Variants in ITCH observed in about 807,000 individuals in gnomAD.
ITCH encodes the protein itchy E3 ubiquitin protein ligase.
ITCH carries 28 observed loss-of-function variants against 126.8 expected under a neutral mutation model. The ratio of observed to expected loss-of-function variants is 0.22; its 90% CI spans 0.16 to 0.30. The LOEUF (loss-of-function observed/expected upper bound fraction) is 0.30, where lower values mean the gene tolerates loss of function less well. ITCH is among the 10% of genes least tolerant of loss of function. ITCH has a pLI of 1.00. For synonymous variants in ITCH, 342 were observed against 340.0 expected, an observed-to-expected ratio of 1.01 and a Z score of -0.06; for missense variants, 631 against 1,032.4, an observed-to-expected ratio of 0.61 and a Z score of 5.33.
intron 14 of ITCH, among the ~76,000 whole-genome samples, chr20:34,464,765 C>CA (rs1986888446): frequency 6.6e-6 from 1 of 151,762 alleles, no homozygotes; most frequent in Non-Finnish European, 1.5e-5. Context: ...GGCTGGAGTG[C>CA]AGTGGCAAGA....
chr20:34,404,117 A>G (rs1405664167), intron 3 of ITCH, among the ~76,000 whole-genome samples: 6 of 152,108 alleles, frequency 3.9e-5, no homozygotes, highest in African/African-American at 1.4e-4. Context: ...AGTGAGAGTA[A>G]AAACAGTTGT....
intron 2 of ITCH, among the ~76,000 whole-genome samples, chr20:34,379,977 A>G (rs1326828016): frequency 1.4e-5 from 2 of 138,756 alleles, no homozygotes; most frequent in South Asian, 2.2e-4. Flanking sequence ...GCTCACTGCA[A>G]CCTCCGCCTC....
chr20:34,427,485 G>A (rs1981698312), intron 7 of ITCH, among the ~76,000 whole-genome samples: 1 of 152,086 alleles, frequency 6.6e-6, no homozygotes, highest in South Asian at 2.1e-4. Flanking sequence ...GGTGGCACGT[G>A]CCTGTAGTCC....
Position 34,508,170 on chromosome 20 carries a change from A to G in ITCH, c.*376A>G. ...GCAGGGAAGTCCTTTGGTAACTGCAATATACAAGATTTTCCTATTAAGCCT... is the reference window on the plus strand; with the variant it reads ...GCAGGGAAGTCCTTTGGTAACTGCAGTATACAAGATTTTCCTATTAAGCCT... On this transcript the variant is annotated 3_prime_UTR_variant, in exon 25 of 25. Transcript: ENST00000374864. 1 of 249,684 alleles carries G rather than the reference A, an allele frequency of 4.0e-6. No homozygotes were observed. Among genetic ancestry groups the G allele is most frequent in the Non-Finnish European group, 8.0e-6 (1 of 124,820 alleles). 15.5% of individuals were successfully genotyped at this position (249,684 alleles called of 1,614,324 possible).
chr20:34,410,600 TGGGAGGATAAGGG>T (rs1212137785), intron 4 of ITCH, among the ~76,000 whole-genome samples: 2 of 152,100 alleles, frequency 1.3e-5, no homozygotes, highest in Non-Finnish European at 2.9e-5. Context: ...CCCAGCTACT[TGGGAGGATAAGGG>T]GGGAGGATAA....
intron 23 of ITCH, among the ~76,000 whole-genome samples, chr20:34,496,049 G>C (rs1989858363): frequency 6.6e-6 from 1 of 151,996 alleles, no homozygotes; most frequent in Non-Finnish European, 1.5e-5. Context: ...ACTCTAGCCT[G>C]GGTGACAGAG....
intron 16 of ITCH, chr20:34,476,163 A>G (rs1017694538): frequency 1.2e-6 from 1 of 804,768 alleles, no homozygotes; most frequent in Non-Finnish European, 2.3e-6. Context: ...CCTCACATGC[A>G]CCAAAGCCAT....
intron 20 of ITCH, among the ~76,000 whole-genome samples, chr20:34,483,250 T>C (rs149338893): frequency 0.017 from 2,524 of 152,340 alleles, 36 homozygotes; most frequent in South Asian, 0.049. Context: ...TCATTACTTA[T>C]GCAAATTTCT....
At position 34,412,519 on chromosome 20, in the gene ITCH, G is replaced by A. The variant is rs776445457; in HGVS notation, c.217G>A (p.Val73Ile). ...PKWKQPLTVI[V>I]TPVSKLHFRV... is the part of the protein sequence containing the mutation. The stretch of plus-strand genomic sequence containing the variant: ...TCCCTCTTTTTTCACTTTTAGTATC[G>A]TTACCCCTGTGAGTAAATTACATTT... The change falls in exon 5 of 25, where the codon GTT becomes ATT. Residue 73 changes from valine (V) to isoleucine (I), a missense_variant. Transcript: ENST00000374864. The A allele has an allele frequency of 8.8e-6, 14 of 1,591,940 alleles. No individual in the cohort carries two copies. Among genetic ancestry groups the A allele is most frequent in the South Asian group, 3.3e-5 (3 of 90,640 alleles).
rs1987477224 is a variant in ITCH at position 34,470,136 on chromosome 20, G to GT, written c.1497+17dup. ...CTGGTGTCAGGTTAGTATTGGAACT[G>GT]TATCTCTGTACTGCCTTAACTTTGT... On this transcript the variant is annotated intron_variant, in intron 15 of 24. Coordinates refer to ENST00000374864, the MANE Select transcript of ITCH (RefSeq NM_031483.7). The GT allele has an allele frequency of 6.3e-7, 1 of 1,590,444 alleles. No individual in the cohort carries two copies. The highest frequency in any genetic ancestry group is 1.7e-5 in the Admixed American group (1 of 59,392).
chr20:34,502,325 G>A (rs371408852), intron 23 of ITCH, among the ~76,000 whole-genome samples: 8 of 151,694 alleles, frequency 5.3e-5, no homozygotes, highest in African/African-American at 1.7e-4. Flanking sequence ...CAAGCCTGTA[G>A]TGCACTATAA....
At chr20:34,451,123 A>G (rs574782563) in intron 12 of ITCH, 1 of 152,268 alleles carries the variant, frequency 6.6e-6, no homozygotes, top group African/African-American at 2.4e-5. Flanking sequence ...CCCTGTCTCT[A>G]CTAAAAATAC....
chr20:34,438,563 ATGG>A lies in ITCH; in HGVS notation c.616_618del (p.Gly206del). ...GGGAATAATTCTCCATCACTCTCAA[ATGG>A]TGGTTTTAAACCTTCTAGACCTCCA... is the stretch of plus-strand genomic sequence containing the variant. On this transcript the variant is annotated inframe_deletion, in exon 8 of 25. Coordinates refer to ENST00000374864, the MANE Select transcript of ITCH (RefSeq NM_031483.7). The A allele has an allele frequency of 6.2e-7, 1 of 1,614,060 alleles. No homozygotes were observed.
intron 19 of ITCH, 86 bp downstream of exon 19, chr20:34,480,818 A>G (rs549642691): frequency 8.8e-6 from 10 of 1,135,752 alleles, no homozygotes; most frequent in South Asian, 1.4e-5. Context: ...CTGTAGGCAC[A>G]TAATTGGTTT....
chr20:34,451,903 A>G (rs1432443166), intron 12 of ITCH, among the ~76,000 whole-genome samples: 1 of 151,900 alleles, frequency 6.6e-6, no homozygotes, highest in African/African-American at 2.4e-5. Context: ...ACCTGTCTCT[A>G]TAAAAAAATA....
rs535302092 is a variant in ITCH, at chr20:34,503,280, G to C, written c.2417-1051G>C. The stretch of plus-strand genomic sequence containing the variant: ...TGACAGTGTCACACATTACAGAACA[G>C]TTAGCGTTCCTGCCCCCTTCTAATT... On this transcript the variant is annotated intron_variant, in intron 23 of 24. Coordinates refer to ENST00000374864, the MANE Select transcript of ITCH (RefSeq NM_031483.7). Among the ~76,000 whole-genome samples the C allele has an allele frequency of 2.0e-5, 3 of 152,274 alleles. No homozygotes were observed. In the East Asian group the frequency reaches 5.8e-4, roughly 29 times the overall value.
intron 16 of ITCH, among the ~76,000 whole-genome samples, chr20:34,475,428 G>A (rs936777129): frequency 5.1e-4 from 77 of 152,320 alleles, no homozygotes; most frequent in South Asian, 1.5e-3. Context: ...CAAGGCTGGC[G>A]GATCACTCGC....
At position 34,413,891 on chromosome 20, in the gene ITCH, C is replaced by G. The variant is rs1416767603; in HGVS notation, c.475+12C>G. ...TACATGTTCAGAAAGTAAGTGACTA[C>G]CTTTTTAAGGTCTTTAATGATTCTT... is the stretch of plus-strand genomic sequence containing the variant. On this transcript the variant is annotated intron_variant, in intron 6 of 24. Coordinates refer to ENST00000374864, the MANE Select transcript of ITCH (RefSeq NM_031483.7). 27 of 1,601,762 alleles carry G rather than the reference C, an allele frequency of 1.7e-5. No individual in the cohort carries two copies. The highest frequency in any genetic ancestry group is 2.3e-5 in the Non-Finnish European group (27 of 1,169,010).
chr20:34,456,112 C>T (rs1378482318), intron 12 of ITCH, among the ~76,000 whole-genome samples: 1 of 145,298 alleles, frequency 6.9e-6, no homozygotes, highest in Non-Finnish European at 1.5e-5. Flanking sequence ...TATATACACA[C>T]TCTCAAATTA....
Sources: gnomAD v4.1 joint callset for allele counts (sites outside exome capture counted in the v4.1 genomes callset) on GRCh38, gnomAD v4.1.1 for gene constraint, MANE v1.5 for transcripts, NCBI Gene and HGNC (gene_info 2026-07-23, HGNC 2026-07-21) for gene names.